Variants in WDR7 observed in about 807,000 individuals in gnomAD.
The protein encoded by WDR7 is WD repeat-containing protein 7.
A neutral mutation model predicts 169.4 loss-of-function variants in WDR7; 46 were observed. That is an observed-to-expected ratio of 0.27 (90% CI 0.21 to 0.35). The LOEUF is 0.35. Ranked by LOEUF, WDR7 falls within the 10% of genes least tolerant of loss-of-function variation. The pLI is 1.00. For missense variants in WDR7, 1,534 were observed against 1,859.3 expected (o/e 0.83, Z 3.22); for synonymous variants, 612 against 666.8 (o/e 0.92, Z 1.27).
chr18:56,891,599 C>G (rs1445432747), intron 21 of WDR7, among the ~76,000 whole-genome samples: 1 of 152,016 alleles, frequency 6.6e-6, no homozygotes, highest in Non-Finnish European at 1.5e-5. Flanking sequence ...ATAGTATTAT[C>G]ACCATTTTGT....
intron 16 of WDR7, among the ~76,000 whole-genome samples, chr18:56,773,506 T>A (rs1393384632): frequency 6.6e-6 from 1 of 152,166 alleles, no homozygotes; most frequent in Non-Finnish European, 1.5e-5. Context: ...GAATTAGTTT[T>A]CTTGCCAATA....
chr18:56,799,751 C>G (rs2044642507), intron 19 of WDR7, among the ~76,000 whole-genome samples: 1 of 152,122 alleles, frequency 6.6e-6, no homozygotes. Flanking sequence ...GTGAAACATT[C>G]TAACTGAAAT....
At chr18:56,908,101 G>C (rs889053196) in intron 21 of WDR7, among the ~76,000 whole-genome samples, 1 of 152,028 alleles carries the variant, frequency 6.6e-6, no homozygotes, top group African/African-American at 2.4e-5. Context: ...AGCTGAAACT[G>C]GTCTGATTTT....
intron 20 of WDR7, among the ~76,000 whole-genome samples, chr18:56,837,396 CCAA>C (rs1039465856): frequency 6.6e-6 from 1 of 152,136 alleles, no homozygotes; most frequent in Non-Finnish European, 1.5e-5. Context: ...GCTGTCATCA[CCAA>C]CAAGTTTAAG....
intron 14 of WDR7, among the ~76,000 whole-genome samples, chr18:56,736,652 G>A (rs1321540074): frequency 6.6e-6 from 1 of 151,886 alleles, no homozygotes; most frequent in Non-Finnish European, 1.5e-5. Context: ...GGGGTGTGTA[G>A]GTTTAGTAAT....
intron 26 of WDR7, among the ~76,000 whole-genome samples, chr18:56,988,467 C>T (rs1433313135): frequency 1.3e-5 from 2 of 152,090 alleles, no homozygotes; most frequent in African/African-American, 4.8e-5. Context: ...AAAGTTTAAA[C>T]CCATAAGCTT....
intron 26 of WDR7, among the ~76,000 whole-genome samples, chr18:56,988,488 G>A (rs888655261): frequency 3.3e-5 from 5 of 151,880 alleles, no homozygotes; most frequent in Non-Finnish European, 7.4e-5. Context: ...TTATTTTATT[G>A]TTTAAGTGGT....
In WDR7 at chr18:56,756,612, C is replaced by T. The variant is rs1218554763; in HGVS notation, c.2019C>T (p.Ser673=). ...KGNLPKYSHN[S]LMVQAIKTNL... ...ATTTACCTAAATATTCTCATAACTCCCTGATGGTTCAAGCAATAAAGACAA... is the reference window on the plus strand; with the variant it reads ...ATTTACCTAAATATTCTCATAACTCTCTGATGGTTCAAGCAATAAAGACAA... The change falls in exon 15 of 28, where the codon TCC becomes TCT. Residue 673 remains serine (S), a synonymous_variant. Transcript: ENST00000254442. 6.2e-7 allele frequency: 1 copy of T among 1,606,962 alleles called. No homozygotes were observed. The highest frequency in any genetic ancestry group is 8.5e-7 in the Non-Finnish European group (1 of 1,177,310).
intron 2 of WDR7, among the ~76,000 whole-genome samples, chr18:56,676,644 C>CA (rs2025249765): frequency 6.6e-6 from 1 of 151,060 alleles, no homozygotes; most frequent in Non-Finnish European, 1.5e-5. Flanking sequence ...TAAACACAAA[C>CA]AAAAAAGGAC....
intron 14 of WDR7, among the ~76,000 whole-genome samples, chr18:56,732,544 A>T (rs904967050): frequency 6.6e-6 from 1 of 152,186 alleles, no homozygotes; most frequent in Non-Finnish European, 1.5e-5. Context: ...TGATACATGA[A>T]ATACTGTAGG....
intron 16 of WDR7, among the ~76,000 whole-genome samples, chr18:56,762,477 T>G (rs1198091170): frequency 2.0e-5 from 3 of 151,774 alleles, no homozygotes; most frequent in African/African-American, 4.9e-5. Context: ...AGATTTTGTT[T>G]CTTTGGTGTC....
At chr18:56,773,848 T>C (rs1163324863) in intron 16 of WDR7, among the ~76,000 whole-genome samples, 1 of 152,132 alleles carries the variant, frequency 6.6e-6, no homozygotes, top group African/African-American at 2.4e-5. Flanking sequence ...TGGTGGTTAA[T>C]TCTACAAAGC....
At chr18:56,736,800 G>C (rs565240789) in intron 14 of WDR7, among the ~76,000 whole-genome samples, 4 of 151,984 alleles carry the variant, frequency 2.6e-5, no homozygotes, top group Non-Finnish European at 5.9e-5. Context: ...AAAAAGAGGA[G>C]GGTAGTAGCT....
intron 20 of WDR7, among the ~76,000 whole-genome samples, chr18:56,861,736 G>GT (rs2145411066): frequency 6.6e-6 from 1 of 152,152 alleles, no homozygotes; most frequent in African/African-American, 2.4e-5. Context: ...GCATGTTAAG[G>GT]TTTAGCGGTT....
chr18:56,762,049 C>T (rs1324103127), intron 16 of WDR7, among the ~76,000 whole-genome samples: 2 of 151,954 alleles, frequency 1.3e-5, no homozygotes, highest in Non-Finnish European at 2.9e-5. Flanking sequence ...TGTTTATCAT[C>T]AGTGTATTTG....
chr18:56,681,847 C>T (rs1244718471), intron 4 of WDR7, among the ~76,000 whole-genome samples: 1 of 152,226 alleles, frequency 6.6e-6, no homozygotes, highest in Non-Finnish European at 1.5e-5. Flanking sequence ...CTTCAGAAGA[C>T]ATGACTGTTT....
At chr18:56,849,099 A>G (rs1194001434) in intron 20 of WDR7, among the ~76,000 whole-genome samples, 1 of 152,026 alleles carries the variant, frequency 6.6e-6, no homozygotes, top group African/African-American at 2.4e-5. Context: ...TGTACCCTTC[A>G]TCTATCTCCT....
At chr18:56,820,672 T>A (rs1456156298) in intron 20 of WDR7, among the ~76,000 whole-genome samples, 1 of 152,162 alleles carries the variant, frequency 6.6e-6, no homozygotes. Flanking sequence ...ATATTTTAAA[T>A]CTAATTCTTT....
intron 16 of WDR7, among the ~76,000 whole-genome samples, chr18:56,760,655 T>G (rs2043967843): frequency 6.6e-6 from 1 of 152,344 alleles, no homozygotes; most frequent in East Asian, 1.9e-4. Flanking sequence ...ATTTTAAACT[T>G]AGTGCATATT....
Sources: allele counts gnomAD v4.1 joint callset (sites outside exome capture counted in the v4.1 genomes callset), GRCh38; gene constraint gnomAD v4.1.1; transcripts MANE v1.5; gene names NCBI Gene and HGNC (gene_info 2026-07-23, HGNC 2026-07-21).